PRDM2: variants seen among roughly 807,000 people sequenced by gnomAD.
PRDM2 encodes the protein PR domain zinc finger protein 2.
PRDM2 carries 30 observed loss-of-function variants against 130.0 expected under a neutral mutation model. The observed-to-expected ratio is 0.23, with a 90% CI of 0.17 to 0.31. The LOEUF (loss-of-function observed/expected upper bound fraction) is 0.31. PRDM2 is among the 10% of genes least tolerant of loss of function. PRDM2 has a pLI of 1.00. For synonymous variants in PRDM2, 871 were observed against 782.4 expected (o/e 1.11, Z -1.89); for missense variants, 2,011 against 2,108.4 (o/e 0.95, Z 0.90).
intron 4 of PRDM2, among the ~76,000 whole-genome samples, chr1:13,733,846 A>G (rs1643183915): frequency 6.6e-6 from 1 of 152,212 alleles, no homozygotes; most frequent in East Asian, 1.9e-4. Flanking sequence ...ATGATGAGAA[A>G]AAGCATTCCT....
At chr1:13,769,656 A>G (rs1221136471) in intron 6 of PRDM2, among the ~76,000 whole-genome samples, 1 of 152,230 alleles carries the variant, frequency 6.6e-6, no homozygotes, top group Non-Finnish European at 1.5e-5. Context: ...TGGATGAATG[A>G]TATAGACTTG....
chr1:13,708,260 G>A (rs938878556), intron 1 of PRDM2, among the ~76,000 whole-genome samples: 1 of 152,034 alleles, frequency 6.6e-6, no homozygotes, highest in African/African-American at 2.4e-5. Context: ...TCTAAATGCG[G>A]ATTTATAGTC....
intron 2 of PRDM2, chr1:13,722,947 A>G (rs1642781444): frequency 2.2e-6 from 1 of 449,998 alleles, no homozygotes; most frequent in South Asian, 1.6e-5. Context: ...CCATCTCGTC[A>G]CTCTCCTGCC....
chr1:13,812,375 G>A (rs1645188696), intron 8 of PRDM2, among the ~76,000 whole-genome samples: 1 of 152,172 alleles, frequency 6.6e-6, no homozygotes, highest in East Asian at 1.9e-4. Context: ...ACTGCTCGAT[G>A]GTGTGCCTGC....
intron 8 of PRDM2, among the ~76,000 whole-genome samples, chr1:13,797,051 A>C (rs964333311): frequency 5.9e-5 from 9 of 152,192 alleles, no homozygotes; most frequent in Non-Finnish European, 1.2e-4. Context: ...TATGTCCTTT[A>C]ATTTATGTTT....
At chr1:13,701,034 G>A (rs561364319) in intron 1 of PRDM2, among the ~76,000 whole-genome samples, 120 of 152,274 alleles carry the variant, frequency 7.9e-4, no homozygotes, top group African/African-American at 2.7e-3. Context: ...TTCGATCCAC[G>A]CGTGAGCCAC....
At chr1:13,778,060 A>C (rs1644517369) in intron 7 of PRDM2, among the ~76,000 whole-genome samples, 1 of 152,042 alleles carries the variant, frequency 6.6e-6, no homozygotes, top group Non-Finnish European at 1.5e-5. Context: ...AGTAGTGACT[A>C]CTCCAACACG....
intron 4 of PRDM2, among the ~76,000 whole-genome samples, chr1:13,735,961 C>T (rs1643256031): frequency 6.6e-6 from 1 of 152,158 alleles, no homozygotes. Context: ...TTTTCAGCCT[C>T]ACACATACAC....
intron 8 of PRDM2, among the ~76,000 whole-genome samples, chr1:13,789,173 G>A (rs954941347): frequency 6.6e-6 from 1 of 152,158 alleles, no homozygotes; most frequent in African/African-American, 2.4e-5. Context: ...CCCTGTTTGG[G>A]TTGCTTTGGC....
At chr1:13,749,609 C>A in intron 6 of PRDM2, 122 bp downstream of exon 6, 1 of 541,240 alleles carries the variant, frequency 1.8e-6, no homozygotes, top group Non-Finnish European at 2.4e-6. Context: ...CGGCGGCGCC[C>A]GCGGCATCTC....
At chr1:13,793,168 ACTGAGTGGCAGGGCATGCTG>A (rs1442578786) in intron 8 of PRDM2, among the ~76,000 whole-genome samples, 1 of 152,238 alleles carries the variant, frequency 6.6e-6, no homozygotes, top group African/African-American at 2.4e-5. Flanking sequence ...GCTGTTAGTT[ACTGAGTGGCAGGGCATGCTG>A]CCCACAGAGT....
chr1:13,761,294 A>C (rs1012534329), intron 6 of PRDM2, among the ~76,000 whole-genome samples: 2 of 152,236 alleles, frequency 1.3e-5, no homozygotes, highest in African/African-American at 4.8e-5. Context: ...GACAGCCCTG[A>C]AAGTAATTGT....
At chr1:13,772,570 G>A (rs1425877698) in intron 6 of PRDM2, among the ~76,000 whole-genome samples, 1 of 152,210 alleles carries the variant, frequency 6.6e-6, no homozygotes, top group African/African-American at 2.4e-5. Context: ...TTGTGAATGT[G>A]TATCTTTTGA....
rs550937175 is a variant in PRDM2 at position 13,756,179 on chromosome 1, C to T, written c.511+6692C>T. Among the ~76,000 whole-genome samples the T allele has an allele frequency of 1.1e-3, 164 of 150,008 alleles. 1 individual carries two copies. The highest frequency in any genetic ancestry group is 3.8e-3 in the African/African-American group (155 of 40,660). ...TCCGGAGGCTGAGGCAGGAGAATGG[C>T]GTGAACCCGGGAGGCAGAGCTTGTA... On this transcript the variant is annotated intron_variant, in intron 6 of 9. Coordinates refer to ENST00000311066, the MANE Select transcript of PRDM2 (RefSeq NM_001393986.1).
intron 6 of PRDM2, among the ~76,000 whole-genome samples, chr1:13,763,804 C>T (rs900190186): frequency 3.9e-5 from 6 of 152,078 alleles, no homozygotes; most frequent in African/African-American, 1.2e-4. Flanking sequence ...AAATATCATA[C>T]CCTTATCAAT....
Position 13,794,692 on chromosome 1 carries a change from G to A in PRDM2, c.5036+11861G>A, listed in dbSNP as rs16852980. 6.0e-3 allele frequency among the ~76,000 whole-genome samples: 921 copies of A among 152,326 alleles called. 11 individuals are homozygous for A. The highest frequency in any genetic ancestry group is 0.02 in the African/African-American group (846 of 41,576). On this transcript the variant is annotated intron_variant, in intron 8 of 9. Coordinates refer to ENST00000311066, the MANE Select transcript of PRDM2 (RefSeq NM_001393986.1). Reference sequence around the variant, plus strand: ...GTTCACCCCAGTGAGTGCTGTCAACGTCAGCTGCTGTCAGCATCACTATTA... The same window carrying A: ...GTTCACCCCAGTGAGTGCTGTCAACATCAGCTGCTGTCAGCATCACTATTA...
chr1:13,758,840 T>G (rs1314141401), intron 6 of PRDM2, among the ~76,000 whole-genome samples: 2 of 152,156 alleles, frequency 1.3e-5, no homozygotes, highest in African/African-American at 2.4e-5. Context: ...TACATACCAT[T>G]TTTTATTTTT....
intron 2 of PRDM2, among the ~76,000 whole-genome samples, chr1:13,725,046 C>T (rs2495049): frequency 0.043 from 6,544 of 152,102 alleles, 246 homozygotes; most frequent in African/African-American, 0.096. Context: ...AGGGGAGGTA[C>T]GATGGAAGAC....
intron 3 of PRDM2, among the ~76,000 whole-genome samples, chr1:13,731,959 G>A (rs943573566): frequency 3.9e-5 from 6 of 152,088 alleles, no homozygotes; most frequent in South Asian, 2.1e-4. Flanking sequence ...CTTACATAGC[G>A]GACTTACAGA....
Sources: allele counts gnomAD v4.1 joint callset (sites outside exome capture counted in the v4.1 genomes callset), GRCh38; gene constraint gnomAD v4.1.1; transcripts MANE v1.5; gene names NCBI Gene and HGNC (gene_info 2026-07-23, HGNC 2026-07-21).